Variants in GPR158 observed in about 807,000 individuals in gnomAD.
GPR158 encodes the protein G protein-coupled receptor 158.
GPR158 carries 30 observed loss-of-function variants against 78.2 expected under a neutral mutation model. The ratio of observed to expected loss-of-function variants is 0.38; its 90% CI spans 0.29 to 0.52. The LOEUF (loss-of-function observed/expected upper bound fraction) is 0.52. GPR158 is among the 20% of genes least tolerant of loss of function. The pLI is 0.83. For synonymous variants in GPR158, 581 were observed against 591.1 expected (o/e 0.98, Z 0.25); for missense variants, 1,463 against 1,523.5 (o/e 0.96, Z 0.66).
chr10:25,555,388 G>A (rs561311107), intron 6 of GPR158, among the ~76,000 whole-genome samples: 140 of 152,258 alleles, frequency 9.2e-4, no homozygotes, highest in African/African-American at 3.3e-3. Context: ...AGGAGCTGAA[G>A]TAGGCACAAA....
At chr10:25,320,654 G>C (rs7915434) in intron 2 of GPR158, among the ~76,000 whole-genome samples, 2,335 of 152,262 alleles carry the variant, frequency 0.015, 69 homozygotes, top group African/African-American at 0.053. Flanking sequence ...TCACAAAATT[G>C]TTGCTATTTG....
At chr10:25,257,199 C>T (rs567982229) in intron 2 of GPR158, among the ~76,000 whole-genome samples, 16 of 152,272 alleles carry the variant, frequency 1.1e-4, no homozygotes, top group African/African-American at 3.1e-4. Context: ...ATGGGCTGAA[C>T]TCACCCTTTT....
chr10:25,597,177 TTAAAA>T (rs1837419244), intron 10 of GPR158, among the ~76,000 whole-genome samples: 1 of 152,164 alleles, frequency 6.6e-6, no homozygotes, highest in Non-Finnish European at 1.5e-5. Context: ...CCTGGATTAT[TTAAAA>T]TAATCTATGA....
chr10:25,179,359 A>G (rs182006734), intron 1 of GPR158, among the ~76,000 whole-genome samples: 2 of 152,296 alleles, frequency 1.3e-5, no homozygotes, highest in East Asian at 3.9e-4. Flanking sequence ...TCCATTGATA[A>G]TGGTTTACTT....
chr10:25,333,631 A>G (rs1372944767), intron 2 of GPR158, among the ~76,000 whole-genome samples: 1 of 152,172 alleles, frequency 6.6e-6, no homozygotes, highest in Non-Finnish European at 1.5e-5. Context: ...GAATGATTGA[A>G]AATAGATTTT....
chr10:25,387,542 G>T (rs964403828), intron 2 of GPR158, among the ~76,000 whole-genome samples: 2 of 144,886 alleles, frequency 1.4e-5, no homozygotes, highest in East Asian at 2.0e-4. Context: ...TTGAGACAGG[G>T]TGTTGCTCTG....
intron 1 of GPR158, among the ~76,000 whole-genome samples, chr10:25,193,421 A>T (rs1852800383): frequency 6.6e-6 from 1 of 152,196 alleles, no homozygotes; most frequent in Non-Finnish European, 1.5e-5. Context: ...CATTCCAGAG[A>T]GGAAGCCACA....
intron 7 of GPR158, among the ~76,000 whole-genome samples, chr10:25,588,630 T>C (rs777908461): frequency 1.3e-5 from 2 of 152,258 alleles, no homozygotes; most frequent in African/African-American, 2.4e-5. Context: ...TTGTTGTTGT[T>C]GTTGCCTTGG....
rs567034233 is a variant in GPR158, at chr10:25,553,262, CTG to C, written c.1514+2181_1514+2182del. ...ATGCAAATGATTGCAATTTGGGAAACTGTGTTATAACATTATCTCTTTTATTT... is the reference window on the plus strand; with the variant it reads ...ATGCAAATGATTGCAATTTGGGAAACTGTTATAACATTATCTCTTTTATTT... On this transcript the variant is annotated intron_variant, in intron 6 of 10. Transcript: ENST00000376351. 6.4e-3 allele frequency among the ~76,000 whole-genome samples: 977 copies of C among 152,264 alleles called. 10 individuals are homozygous for C. The highest frequency in any genetic ancestry group is 0.022 in the African/African-American group (927 of 41,576).
At chr10:25,457,530 A>G (rs1835307284) in intron 4 of GPR158, among the ~76,000 whole-genome samples, 1 of 152,148 alleles carries the variant, frequency 6.6e-6, no homozygotes, top group Non-Finnish European at 1.5e-5. Context: ...TGAAGGTCAC[A>G]AATAGATTAC....
intron 3 of GPR158, among the ~76,000 whole-genome samples, chr10:25,398,198 A>C (rs935454023): frequency 2.6e-5 from 4 of 152,220 alleles, no homozygotes; most frequent in Non-Finnish European, 4.4e-5. Context: ...CACTGTGCCA[A>C]GACTTCTATT....
chr10:25,300,586 C>T (rs992404731), intron 2 of GPR158, among the ~76,000 whole-genome samples: 2 of 138,282 alleles, frequency 1.4e-5, no homozygotes, highest in Non-Finnish European at 3.2e-5. Flanking sequence ...TTCTTAAGTA[C>T]TCTTTTTCTT....
At chr10:25,444,123 A>G (rs1441454787) in intron 4 of GPR158, among the ~76,000 whole-genome samples, 1 of 150,500 alleles carries the variant, frequency 6.6e-6, no homozygotes, top group Non-Finnish European at 1.5e-5. Flanking sequence ...CCCTGGGGGG[A>G]AAAATTACTC....
chr10:25,572,867 GGGACTACAT>G lies in GPR158; in HGVS notation c.1735_1743del (p.Asp579_Met581del), dbSNP rs1837030044. The stretch of plus-strand genomic sequence containing the variant: ...TTCAATATGTGCCTCATTGACCGCT[GGGACTACAT>G]GACAGCAGTTGGTATGTGGTCACTT... On this transcript the variant is annotated inframe_deletion, in exon 7 of 11. Transcript: ENST00000376351. 6.2e-7 allele frequency: 1 copy of G among 1,602,832 alleles called. No individual in the cohort carries two copies. Among genetic ancestry groups the G allele is most frequent in the Admixed American group, 1.7e-5 (1 of 59,968 alleles).
rs749198862 is a variant in GPR158, at chr10:25,466,654, A to G, written c.1339A>G (p.Ile447Val). The change falls in exon 5 of 11, where the codon ATC becomes GTC. Residue 447 changes from isoleucine (I) to valine (V), a missense_variant. Physicochemically the swap from Ile to Val is conservative, Grantham distance 29. Transcript: ENST00000376351. ...CGTTTTTATTTTGTTTTTTCAGAGC[A>G]TCCGGGCATCGGGCCTTATCCTGTT... ...VVYHFRKAKSIRASGLILLET... is the reference protein window; with the variant it reads ...VVYHFRKAKSVRASGLILLET... The G allele has an allele frequency of 1.9e-6, 3 of 1,601,390 alleles. No homozygotes were observed. The East Asian group carries it at 6.7e-5, about 36-fold the overall frequency.
chr10:25,368,784 G>A (rs1833943941), intron 2 of GPR158, among the ~76,000 whole-genome samples: 1 of 110,698 alleles, frequency 9.0e-6, no homozygotes. Context: ...TTTTCATATT[G>A]ATTCTTCCTA....
At chr10:25,183,152 A>G (rs1364211837) in intron 1 of GPR158, among the ~76,000 whole-genome samples, 3 of 152,146 alleles carry the variant, frequency 2.0e-5, no homozygotes, top group Admixed American at 1.3e-4. Flanking sequence ...TGGCTGTGCA[A>G]TTACTCTCCT....
intron 5 of GPR158, among the ~76,000 whole-genome samples, chr10:25,487,744 T>C (rs1459777213): frequency 2.0e-5 from 3 of 152,158 alleles, no homozygotes; most frequent in Non-Finnish European, 4.4e-5. Flanking sequence ...GTATATTGTT[T>C]GATTTTGCTT....
chr10:25,253,211 T>G (rs1483185403), intron 2 of GPR158, among the ~76,000 whole-genome samples: 1 of 152,242 alleles, frequency 6.6e-6, no homozygotes, highest in African/African-American at 2.4e-5. Flanking sequence ...GCGCCCACTG[T>G]CTGGCACTCC....
Sources: allele counts gnomAD v4.1 joint callset (sites outside exome capture counted in the v4.1 genomes callset), GRCh38; gene constraint gnomAD v4.1.1; transcripts MANE v1.5; gene names NCBI Gene and HGNC (gene_info 2026-07-23, HGNC 2026-07-21).